Variants in CEP170 observed in about 807,000 individuals in gnomAD.
CEP170 encodes centrosomal protein of 170 kDa.
In CEP170, 21 loss-of-function variants were observed where a neutral mutation model predicts 151.9. That is an observed-to-expected ratio of 0.14 (90% CI 0.10 to 0.20). The LOEUF is 0.20. Among genes scored for constraint, CEP170 ranks in the 10% least tolerant of loss-of-function variants. CEP170 has a pLI of 1.00. For missense variants in CEP170, 964 were observed against 1,892.9 expected, an observed-to-expected ratio of 0.51 and a Z score of 9.11; for synonymous variants, 356 against 648.8, an observed-to-expected ratio of 0.55 and a Z score of 6.86.
rs183445002 is a variant in CEP170 at position 243,164,634 on chromosome 1, C to G, written c.3326G>C (p.Gly1109Ala). ...RTSLLRRARLGEASDSELADA... is the reference protein window; with the variant it reads ...RTSLLRRARLAEASDSELADA... ...AGCAAGTTCACTGTCTGAAGCTTCA[C>G]CAAGTCGTGCTCTGCGCAAGAGGGA... is the stretch of plus-strand genomic sequence containing the variant. Residue 1109 changes from glycine (G) to alanine (A), a missense_variant, in exon 13 of 20, where the codon GGT (glycine) becomes GCT (alanine). Physicochemically the swap from Gly to Ala is moderately conservative, Grantham distance 60. Transcript: ENST00000366542. The G allele has an allele frequency of 1.2e-5, 20 of 1,613,762 alleles. No homozygotes were observed. The East Asian group carries it at 4.0e-4, about 32-fold the overall frequency.
intron 3 of CEP170, among the ~76,000 whole-genome samples, chr1:243,216,487 AT>A (rs1558617400): frequency 6.6e-6 from 1 of 151,364 alleles, no homozygotes; most frequent in East Asian, 1.9e-4. Context: ...CTTCTATTTT[AT>A]TAGATTTGAG....
chr1:243,225,775 A>C (rs1280334491), intron 1 of CEP170, among the ~76,000 whole-genome samples: 2 of 152,156 alleles, frequency 1.3e-5, no homozygotes, highest in African/African-American at 4.8e-5. Context: ...AACTATGTTG[A>C]CCAAATAAAT....
At chr1:243,169,803 G>T (rs2058703857) in intron 11 of CEP170, 49 bp from the exon 12 acceptor site, 1 of 1,570,096 alleles carries the variant, frequency 6.4e-7, no homozygotes, top group African/African-American at 1.4e-5. Context: ...GGTCATATCT[G>T]AGTCTCATGA....
chr1:243,248,942 T>A (rs887628350), intron 1 of CEP170, among the ~76,000 whole-genome samples: 1 of 152,144 alleles, frequency 6.6e-6, no homozygotes, highest in Admixed American at 6.5e-5. Context: ...CTGAGTAGAA[T>A]ACTCTCCACT....
chr1:243,134,340 TAA>T (rs1187819269), intron 17 of CEP170, among the ~76,000 whole-genome samples: 2 of 152,260 alleles, frequency 1.3e-5, no homozygotes, highest in African/African-American at 4.8e-5. Flanking sequence ...TGTAGAAAAT[TAA>T]GTCTATTTAA....
chr1:243,175,741 A>T (rs1264864606), intron 10 of CEP170, among the ~76,000 whole-genome samples: 1 of 152,158 alleles, frequency 6.6e-6, no homozygotes, highest in African/African-American at 2.4e-5. Flanking sequence ...TTCAATTACC[A>T]ACTATCTAGA....
At chr1:243,190,352 T>C (rs2060231865) in intron 8 of CEP170, among the ~76,000 whole-genome samples, 1 of 152,216 alleles carries the variant, frequency 6.6e-6, no homozygotes, top group Non-Finnish European at 1.5e-5. Flanking sequence ...GATACATCAG[T>C]GTACAAACAT....
chr1:243,208,205 A>G (rs1472520921), intron 4 of CEP170, among the ~76,000 whole-genome samples: 1 of 152,088 alleles, frequency 6.6e-6, no homozygotes, highest in African/African-American at 2.4e-5. Flanking sequence ...TTCCAGATAT[A>G]TCACCCTGGT....
intron 4 of CEP170, among the ~76,000 whole-genome samples, chr1:243,209,702 C>G (rs1428281301): frequency 1.3e-5 from 2 of 148,634 alleles, no homozygotes; most frequent in Non-Finnish European, 3.0e-5. Context: ...TTTTTTGAGA[C>G]GGAGTCTGGC....
chr1:243,136,383 A>T, intron 16 of CEP170, 152 bp from the exon 17 acceptor site: 1 of 1,081,864 alleles, frequency 9.2e-7, no homozygotes, highest in Non-Finnish European at 1.3e-6. Flanking sequence ...ATTAATATGT[A>T]ACTAAAATGA....
intron 3 of CEP170, among the ~76,000 whole-genome samples, chr1:243,213,038 T>C (rs1447250483): frequency 2.6e-5 from 4 of 152,106 alleles, no homozygotes; most frequent in Non-Finnish European, 4.4e-5. Context: ...ATTATACATT[T>C]CACCTGATAT....
In CEP170 at chr1:243,142,927, T is replaced by G. The variant is rs74150940; in HGVS notation, c.3912-464A>C. ...TGGTATTAGCAATACTGGTGATTTT[T>G]GTCATCAATAGAGATCACATTACAG... is the stretch of plus-strand genomic sequence containing the variant. On this transcript the variant is annotated intron_variant, in intron 14 of 19. Coordinates refer to ENST00000366542, the MANE Select transcript of CEP170 (RefSeq NM_014812.3). Among the ~76,000 whole-genome samples, 686 of 152,332 alleles carry G rather than the reference T, an allele frequency of 4.5e-3. 4 individuals carry two copies. The highest frequency in any genetic ancestry group is 0.015 in the African/African-American group (630 of 41,576).
At chr1:243,241,516 G>A (rs1032511477) in intron 1 of CEP170, among the ~76,000 whole-genome samples, 1 of 152,166 alleles carries the variant, frequency 6.6e-6, no homozygotes, top group African/African-American at 2.4e-5. Flanking sequence ...TAGGCCGGGA[G>A]TGGTGGCTCG....
At position 243,226,121 on chromosome 1, in the gene CEP170, ACGTGTG is replaced by A. The variant is rs1414475342; in HGVS notation, c.-41-806_-41-801del. Among the ~76,000 whole-genome samples, 27 of 114,382 alleles carry A rather than the reference ACGTGTG, an allele frequency of 2.4e-4. 1 individual carries two copies. In the East Asian group the frequency reaches 9.0e-3, roughly 38 times the overall value. 75.0% of individuals were successfully genotyped at this position (114,382 alleles called of 152,430 possible). A position where few individuals can be genotyped will look rare whatever the true frequency, so the allele number is the denominator to read the frequency against. ...TATATACACGTATATATATGTATAT[ACGTGTG>A]TATATATGTGTATATATATGTACAT... On this transcript the variant is annotated intron_variant, in intron 1 of 19. Coordinates refer to ENST00000366542, the MANE Select transcript of CEP170 (RefSeq NM_014812.3).
Position 243,191,187 on chromosome 1 carries a change from A to G in CEP170, c.939T>C (p.Ser313=). ...SDQRHKSKKS[S]PGTQDLLGIQ... Reference sequence around the variant, plus strand: ...TCCCCAGCAAGTCTTGAGTTCCAGGAGAAGACTTCTTGGACTTGTGGCGCT... The same window carrying G: ...TCCCCAGCAAGTCTTGAGTTCCAGGGGAAGACTTCTTGGACTTGTGGCGCT... Residue 313 remains serine (S), a synonymous_variant, in exon 8 of 20, where the codon TCT becomes TCC. Coordinates refer to ENST00000366542, the MANE Select transcript of CEP170 (RefSeq NM_014812.3). 1 of 1,611,896 alleles carries G rather than the reference A, an allele frequency of 6.2e-7. No individual in the cohort carries two copies. Among genetic ancestry groups the G allele is most frequent in the Non-Finnish European group, 8.5e-7 (1 of 1,178,888 alleles).
intron 1 of CEP170, among the ~76,000 whole-genome samples, chr1:243,235,257 T>G (rs114846777): frequency 9.4e-4 from 143 of 152,320 alleles, no homozygotes; most frequent in African/African-American, 3.2e-3. Context: ...GTGGTGCTCT[T>G]CAGGCCGGGG....
chr1:243,218,219 G>A (rs1320190356), intron 3 of CEP170, among the ~76,000 whole-genome samples: 1 of 152,134 alleles, frequency 6.6e-6, no homozygotes, highest in Non-Finnish European at 1.5e-5. Flanking sequence ...TACCACACAG[G>A]TCTGATGCTG....
Position 243,178,920 on chromosome 1 carries a change from G to A in CEP170, c.1567-6074C>T, listed in dbSNP as rs183302902. ...TTTTTAGTAGAGAGGGGGTTTCACC[G>A]TGTTAGCCAGGATGGTGTCAATCTC... On this transcript the variant is annotated intron_variant, in intron 10 of 19. Transcript: ENST00000366542. Among the ~76,000 whole-genome samples the A allele has an allele frequency of 1.1e-3, 169 of 152,088 alleles. 1 individual carries two copies. The highest frequency in any genetic ancestry group is 3.6e-3 in the African/African-American group (150 of 41,510).
chr1:243,248,102 TG>T (rs2065593555), intron 1 of CEP170, among the ~76,000 whole-genome samples: 1 of 152,232 alleles, frequency 6.6e-6, no homozygotes, highest in South Asian at 2.1e-4. Flanking sequence ...ATTTAGTAGT[TG>T]CCAGGGGAGA....
Sources: allele counts gnomAD v4.1 joint callset (sites outside exome capture counted in the v4.1 genomes callset), GRCh38; gene constraint gnomAD v4.1.1; transcripts MANE v1.5; gene names NCBI Gene and HGNC (gene_info 2026-07-23, HGNC 2026-07-21).